The following SLC1A1 variants were observed in gnomAD, a reference collection of about 807,000 sequenced individuals.
SLC1A1 encodes the protein solute carrier family 1 member 1.
SLC1A1 carries 43 observed loss-of-function variants against 53.3 expected under a neutral mutation model. That is an observed-to-expected ratio of 0.81 (90% CI 0.63 to 1.04). The LOEUF (loss-of-function observed/expected upper bound fraction) is 1.04, where lower values mean the gene tolerates loss of function less well. Among genes scored for constraint, SLC1A1 ranks in the 50% least tolerant of loss-of-function variants. SLC1A1 has a pLI of 0.00. For missense variants in SLC1A1, 748 were observed against 664.9 expected, an observed-to-expected ratio of 1.12 and a Z score of -1.37; for synonymous variants, 307 against 243.2, an observed-to-expected ratio of 1.26 and a Z score of -2.44.
Position 4,585,677 on chromosome 9 carries a change from G to C in SLC1A1, c.*119G>C. 1 of 1,259,584 alleles carries C rather than the reference G, an allele frequency of 7.9e-7. No individual in the cohort carries two copies. Among genetic ancestry groups the C allele is most frequent in the South Asian group, 1.2e-5 (1 of 80,222 alleles). The allele number at this position is 1,259,584 out of a possible 1,614,324, so 78.0% of individuals were successfully genotyped here. A position where few individuals can be genotyped will look rare whatever the true frequency, so the allele number is the denominator to read the frequency against. On this transcript the variant is annotated 3_prime_UTR_variant, in exon 12 of 12. Transcript: ENST00000262352. ...AAGTGTACATTTGATTTGATATACA[G>C]ACCTCCAGATTATTTTCTATATTTG... is the stretch of plus-strand genomic sequence containing the variant.
At chr9:4,566,752 T>C (rs922104061) in intron 5 of SLC1A1, among the ~76,000 whole-genome samples, 12 of 152,142 alleles carry the variant, frequency 7.9e-5, no homozygotes, top group Non-Finnish European at 1.8e-4. Context: ...TACAATGCAG[T>C]GTAACAAAGC....
At chr9:4,537,614 C>G (rs1431408969) in intron 1 of SLC1A1, among the ~76,000 whole-genome samples, 2 of 142,318 alleles carry the variant, frequency 1.4e-5, no homozygotes, top group East Asian at 4.3e-4. Flanking sequence ...AAAAAAAAAT[C>G]ACATGCTACA....
intron 1 of SLC1A1, among the ~76,000 whole-genome samples, chr9:4,511,631 G>A (rs1245979557): frequency 6.6e-6 from 1 of 150,710 alleles, no homozygotes; most frequent in Non-Finnish European, 1.5e-5. Context: ...ATTTAATGCT[G>A]AAAGTCTGAA....
chr9:4,551,467 C>T (rs1483513939), intron 2 of SLC1A1, among the ~76,000 whole-genome samples: 1 of 152,180 alleles, frequency 6.6e-6, no homozygotes, highest in East Asian at 1.9e-4. Context: ...AGGAGTCCCT[C>T]GTTAGCAAGA....
chr9:4,496,385 T>A (rs1318482909), intron 1 of SLC1A1, among the ~76,000 whole-genome samples: 1 of 151,896 alleles, frequency 6.6e-6, no homozygotes, highest in African/African-American at 2.4e-5. Flanking sequence ...CCAGAGAGTA[T>A]TTTTCTTTCT....
intron 1 of SLC1A1, among the ~76,000 whole-genome samples, chr9:4,496,571 T>C (rs1328680632): frequency 6.6e-6 from 1 of 152,034 alleles, no homozygotes; most frequent in Non-Finnish European, 1.5e-5. Flanking sequence ...GACTTGAGTC[T>C]GACTGAACCT....
chr9:4,569,471 A>G (rs1413775107), intron 6 of SLC1A1, among the ~76,000 whole-genome samples: 1 of 152,198 alleles, frequency 6.6e-6, no homozygotes, highest in African/African-American at 2.4e-5. Flanking sequence ...TAAAATCAAC[A>G]TGCTTTGAGA....
chr9:4,566,683 A>G (rs1171483726), intron 5 of SLC1A1, among the ~76,000 whole-genome samples: 1 of 152,070 alleles, frequency 6.6e-6, no homozygotes, highest in Admixed American at 6.5e-5. Flanking sequence ...CCATGTCTCT[A>G]AAAAGAAATA....
intron 11 of SLC1A1, among the ~76,000 whole-genome samples, chr9:4,584,191 T>C (rs966594776): frequency 1.3e-5 from 2 of 152,318 alleles, no homozygotes; most frequent in Non-Finnish European, 1.5e-5. Context: ...AGACATCCTA[T>C]TGGGCTTGAA....
intron 2 of SLC1A1, among the ~76,000 whole-genome samples, chr9:4,557,258 G>C (rs1399357708): frequency 6.6e-6 from 1 of 152,250 alleles, no homozygotes; most frequent in African/African-American, 2.4e-5. Flanking sequence ...ACAGCCATAT[G>C]ATCAGTGCAG....
chr9:4,562,968 T>C (rs1586802598), intron 3 of SLC1A1, among the ~76,000 whole-genome samples: 2 of 72,310 alleles, frequency 2.8e-5, no homozygotes, highest in Admixed American at 1.9e-4. Context: ...GGGACTGTTG[T>C]GGGGTGGGGG....
At chr9:4,521,391 C>G (rs533212267) in intron 1 of SLC1A1, among the ~76,000 whole-genome samples, 5 of 152,234 alleles carry the variant, frequency 3.3e-5, no homozygotes, top group African/African-American at 1.2e-4. Flanking sequence ...GAGGGTTTTA[C>G]TGTTGAGGCC....
intron 1 of SLC1A1, among the ~76,000 whole-genome samples, chr9:4,538,926 G>T (rs1036034810): frequency 6.6e-6 from 1 of 152,208 alleles, no homozygotes; most frequent in Non-Finnish European, 1.5e-5. Flanking sequence ...GTTCATCTTA[G>T]ATTAGCTCCC....
Position 4,567,696 on chromosome 9 carries a change from C to T in SLC1A1, c.511C>T (p.Pro171Ser). 2.5e-6 allele frequency: 4 copies of T among 1,612,904 alleles called. No homozygotes were observed. The highest frequency in any genetic ancestry group is 3.4e-6 in the Non-Finnish European group (4 of 1,179,058). The change falls in exon 6 of 12, where the codon CCT becomes TCT. Residue 171 changes from proline (P) to serine (S), a missense_variant. Pro to Ser is a moderately conservative substitution (Grantham distance 74). Coordinates refer to ENST00000262352, the MANE Select transcript of SLC1A1 (RefSeq NM_004170.6). The stretch of plus-strand genomic sequence containing the variant: ...CAAAACTAAGCGTGAAGAAGTGAAG[C>T]CTCCCAGCGATCCAGAGATGAACAT... ...QYKTKREEVKPPSDPEMNMTE... is the reference protein window; with the variant it reads ...QYKTKREEVKSPSDPEMNMTE...
chr9:4,499,257 C>A (rs1424202078), intron 1 of SLC1A1, among the ~76,000 whole-genome samples: 1 of 151,788 alleles, frequency 6.6e-6, no homozygotes, highest in Non-Finnish European at 1.5e-5. Context: ...GTTGGCCAGG[C>A]TGGTCTCGAA....
At chr9:4,533,321 C>T (rs1389724829) in intron 1 of SLC1A1, among the ~76,000 whole-genome samples, 6 of 152,174 alleles carry the variant, frequency 3.9e-5, no homozygotes, top group African/African-American at 1.4e-4. Context: ...GGAAACCCAT[C>T]TCATGGGCAG....
rs1821497306 is a variant in SLC1A1 at position 4,585,370 on chromosome 9, G to C, written c.1387G>C (p.Glu463Gln). The C allele has an allele frequency of 6.2e-7, 1 of 1,614,058 alleles. No homozygotes were observed. The highest frequency in any genetic ancestry group is 1.7e-5 in the Admixed American group (1 of 60,006). The change falls in exon 12 of 12, where the codon GAA becomes CAA. Residue 463 changes from glutamate to glutamine, a missense_variant. Physicochemically the swap from Glu to Gln is conservative, Grantham distance 29. Coordinates refer to ENST00000262352, the MANE Select transcript of SLC1A1 (RefSeq NM_004170.6). The part of the protein sequence containing the change: ...LGDAFGTGIV[E>Q]KLSKKELEQM... ...TGATGCTTTTGGGACGGGCATTGTG[G>C]AAAAGCTCTCCAAGAAGGAGCTGGA... is the stretch of plus-strand genomic sequence containing the variant.
intron 2 of SLC1A1, among the ~76,000 whole-genome samples, chr9:4,548,792 GA>G (rs5896082): frequency 0.86 from 130,633 of 151,294 alleles, 56,639 homozygotes; most frequent in East Asian, 1. Context: ...CTTTAAAACA[GA>G]AAAAAAAAAT....
intron 1 of SLC1A1, among the ~76,000 whole-genome samples, chr9:4,518,767 C>G (rs1275736534): frequency 2.0e-5 from 3 of 152,200 alleles, no homozygotes; most frequent in Non-Finnish European, 2.9e-5. Context: ...GATGGCTCCA[C>G]TCCCTGAGGG....
Sources: gnomAD v4.1 joint callset for allele counts (sites outside exome capture counted in the v4.1 genomes callset) on GRCh38, gnomAD v4.1.1 for gene constraint, MANE v1.5 for transcripts, NCBI Gene and HGNC (gene_info 2026-07-23, HGNC 2026-07-21) for gene names.